Variants in UBE3C observed in about 807,000 individuals in gnomAD.
UBE3C encodes ubiquitin protein ligase E3C, also known as ubiquitin-protein ligase E3C.
A neutral mutation model predicts 129.4 loss-of-function variants in UBE3C; 42 were observed. The ratio of observed to expected loss-of-function variants is 0.32; its 90% CI spans 0.25 to 0.42. The LOEUF is 0.42. UBE3C is among the 10% of genes least tolerant of loss of function. The probability of loss-of-function intolerance (pLI) is 1.00; values close to 1 mark genes in which losing one functional copy is unlikely to be tolerated. For synonymous variants in UBE3C, 510 were observed against 492.4 expected, an observed-to-expected ratio of 1.04 and a Z score of -0.47; for missense variants, 1,049 against 1,319.1, an observed-to-expected ratio of 0.80 and a Z score of 3.17.
chr7:157,225,842 G>A (rs1795861123), intron 17 of UBE3C, among the ~76,000 whole-genome samples: 1 of 152,088 alleles, frequency 6.6e-6, no homozygotes, highest in Admixed American at 6.6e-5. Flanking sequence ...TCCCTGCTCT[G>A]CAAAAGGCTG....
At chr7:157,235,906 A>G (rs890077290) in intron 18 of UBE3C, among the ~76,000 whole-genome samples, 3 of 152,252 alleles carry the variant, frequency 2.0e-5, no homozygotes, top group Admixed American at 1.3e-4. Context: ...GTCATAGTAC[A>G]GCAGCTGATA....
chr7:157,179,222 G>GA (rs1173335620), intron 6 of UBE3C, among the ~76,000 whole-genome samples: 1 of 152,100 alleles, frequency 6.6e-6, no homozygotes, highest in East Asian at 1.9e-4. Context: ...GAGTGAATGG[G>GA]AAAGGTAATG....
At chr7:157,258,327 G>A (rs1250352806) in intron 22 of UBE3C, among the ~76,000 whole-genome samples, 1 of 152,178 alleles carries the variant, frequency 6.6e-6, no homozygotes, top group Non-Finnish European at 1.5e-5. Context: ...TCTTGAGGCT[G>A]AGGTAGGAGG....
chr7:157,154,025 A>G (rs1053857234), intron 1 of UBE3C, among the ~76,000 whole-genome samples: 18 of 150,846 alleles, frequency 1.2e-4, no homozygotes, highest in Non-Finnish European at 2.4e-4. Context: ...TTTTCTGTTT[A>G]AAAAAAATGA....
intron 10 of UBE3C, among the ~76,000 whole-genome samples, chr7:157,200,192 A>T (rs926095079): frequency 1.3e-5 from 2 of 152,230 alleles, no homozygotes; most frequent in African/African-American, 4.8e-5. Flanking sequence ...TTCTAGCTTA[A>T]GGTTTCCTGA....
At chr7:157,237,809 G>A (rs1489305227) in intron 18 of UBE3C, among the ~76,000 whole-genome samples, 1 of 152,052 alleles carries the variant, frequency 6.6e-6, no homozygotes, top group East Asian at 1.9e-4. Flanking sequence ...ACTTTGGGAG[G>A]CCGAGGTGGG....
chr7:157,149,241 G>C (rs1415170982), intron 1 of UBE3C, among the ~76,000 whole-genome samples: 1 of 152,088 alleles, frequency 6.6e-6, no homozygotes, highest in East Asian at 1.9e-4. Flanking sequence ...ATTTTTAGTA[G>C]AGATGGGTTT....
intron 20 of UBE3C, 49 bp downstream of exon 20, chr7:157,254,191 C>A (rs1796687316): frequency 6.2e-7 from 1 of 1,607,862 alleles, no homozygotes; most frequent in Admixed American, 1.7e-5. Flanking sequence ...AGGAAATGAA[C>A]AGGCTTTCTT....
chr7:157,183,115 T>C (rs542107626), intron 8 of UBE3C, among the ~76,000 whole-genome samples: 2 of 152,238 alleles, frequency 1.3e-5, no homozygotes, highest in African/African-American at 2.4e-5. Flanking sequence ...GGGTTTTTTT[T>C]CCCACACACC....
At chr7:157,259,313 T>C (rs1377294097) in intron 22 of UBE3C, among the ~76,000 whole-genome samples, 1 of 152,242 alleles carries the variant, frequency 6.6e-6, no homozygotes, top group African/African-American at 2.4e-5. Flanking sequence ...ATTGGCGTGC[T>C]CTTTAGTTTC....
At chr7:157,260,746 A>G (rs1359595391) in intron 22 of UBE3C, among the ~76,000 whole-genome samples, 1 of 152,210 alleles carries the variant, frequency 6.6e-6, no homozygotes, top group Non-Finnish European at 1.5e-5. Flanking sequence ...AAAACACTGG[A>G]AGATGCAGAG....
intron 9 of UBE3C, among the ~76,000 whole-genome samples, chr7:157,186,517 A>G (rs1263966921): frequency 1.3e-5 from 2 of 152,052 alleles, no homozygotes; most frequent in Admixed American, 1.3e-4. Context: ...TTCACTATGT[A>G]TGGTTGTCTT....
At chr7:157,224,737 T>C (rs1328155259) in intron 16 of UBE3C, among the ~76,000 whole-genome samples, 2 of 151,996 alleles carry the variant, frequency 1.3e-5, no homozygotes, top group African/African-American at 4.8e-5. Flanking sequence ...CTTTTGAAGC[T>C]GTTCATGTCC....
intron 10 of UBE3C, among the ~76,000 whole-genome samples, chr7:157,191,262 T>G (rs962511283): frequency 2.0e-5 from 3 of 152,128 alleles, no homozygotes; most frequent in Non-Finnish European, 2.9e-5. Flanking sequence ...TGTGTATGTG[T>G]GTGTGTAGTG....
chr7:157,189,809 G>C (rs1433212985), intron 10 of UBE3C, among the ~76,000 whole-genome samples: 1 of 133,256 alleles, frequency 7.5e-6, no homozygotes, highest in Admixed American at 7.4e-5. Flanking sequence ...TTTTAGGGTT[G>C]TTAGTTTGTG....
At chr7:157,179,643 C>T (rs148556313) in intron 6 of UBE3C, among the ~76,000 whole-genome samples, 11 of 152,242 alleles carry the variant, frequency 7.2e-5, no homozygotes, top group African/African-American at 1.9e-4. Flanking sequence ...TAAAAATGTG[C>T]GTGAGACTAG....
chr7:157,229,874 A>G (rs1218690632), intron 17 of UBE3C, among the ~76,000 whole-genome samples: 2 of 152,094 alleles, frequency 1.3e-5, no homozygotes, highest in African/African-American at 4.8e-5. Flanking sequence ...TGGCTTCCCA[A>G]AGTGCTGGGA....
chr7:157,174,002 G>A (rs997078589), intron 4 of UBE3C, among the ~76,000 whole-genome samples: 2 of 152,094 alleles, frequency 1.3e-5, no homozygotes, highest in African/African-American at 4.8e-5. Flanking sequence ...TGTTAATGTC[G>A]AAGAAACTAC....
Position 157,267,975 on chromosome 7 carries a change from C to A in UBE3C, c.*220C>A. 1 of 423,940 alleles carries A rather than the reference C, an allele frequency of 2.4e-6. No individual in the cohort carries two copies. Among genetic ancestry groups the A allele is most frequent in the Non-Finnish European group, 4.1e-6 (1 of 242,458 alleles). The allele number at this position is 423,940 out of a possible 1,614,324, so 26.3% of individuals were successfully genotyped here. A position where few individuals can be genotyped will look rare whatever the true frequency, so the allele number is the denominator to read the frequency against. On this transcript the variant is annotated 3_prime_UTR_variant, in exon 23 of 23. Transcript: ENST00000348165. ...GCTTTTCAAATAACTTAAAATAACA[C>A]GTTATGTGCCATGTGGCTACTTTAG...
Sources: allele counts gnomAD v4.1 joint callset (sites outside exome capture counted in the v4.1 genomes callset), GRCh38; gene constraint gnomAD v4.1.1; transcripts MANE v1.5; gene names NCBI Gene and HGNC (gene_info 2026-07-23, HGNC 2026-07-21).